Variants in CENPC observed in about 807,000 individuals in gnomAD.
The protein encoded by CENPC is centromere protein C.
A neutral mutation model predicts 112.1 loss-of-function variants in CENPC; 63 were observed. The ratio of observed to expected loss-of-function variants is 0.56; its 90% CI spans 0.46 to 0.69. The LOEUF (loss-of-function observed/expected upper bound fraction) is 0.69. Among genes scored for constraint, CENPC ranks in the 30% least tolerant of loss-of-function variants. The pLI, the probability that CENPC is intolerant of heterozygous loss-of-function variation, is 0.00. For synonymous variants in CENPC, 333 were observed against 367.6 expected (o/e 0.91, Z 1.08); for missense variants, 1,000 against 1,103.8 (o/e 0.91, Z 1.33).
rs546455763 is a variant in CENPC, at chr4:67,474,213, C to T, written c.2761+675G>A. On this transcript the variant is annotated intron_variant, in intron 18 of 18. Transcript: ENST00000273853. ...CAGAGTAGCTGGGACCACAGGTGTCCGCCACCACGCCCAGCTAATTTTTTT... is the reference window on the plus strand; with the variant it reads ...CAGAGTAGCTGGGACCACAGGTGTCTGCCACCACGCCCAGCTAATTTTTTT... 1.3e-3 allele frequency among the ~76,000 whole-genome samples: 205 copies of T among 152,036 alleles called. 3 individuals carry two copies. Among genetic ancestry groups the T allele is most frequent in the Non-Finnish European group, 4.1e-4 (28 of 67,976 alleles).
chr4:67,506,254 T>C (rs1725729890), intron 11 of CENPC, among the ~76,000 whole-genome samples: 1 of 152,214 alleles, frequency 6.6e-6, no homozygotes, highest in Non-Finnish European at 1.5e-5. Flanking sequence ...CACCTTTCAA[T>C]AGGTGGAGCC....
rs1157027163 is a variant in CENPC at position 67,471,930 on chromosome 4, G to A, written c.*675C>T. On this transcript the variant is annotated 3_prime_UTR_variant, in exon 19 of 19. Transcript: ENST00000273853. Reference sequence around the variant, plus strand: ...TTTACATGTAATATACTAAATAGATGTCATGCCAACACAGACACACAAGGT... The same window carrying A: ...TTTACATGTAATATACTAAATAGATATCATGCCAACACAGACACACAAGGT... The A allele has an allele frequency of 6.6e-6, 1 of 152,228 alleles. No individual in the cohort carries two copies. Among genetic ancestry groups the A allele is most frequent in the African/African-American group, 2.4e-5 (1 of 41,444 alleles). The allele number at this position is 152,228 out of a possible 1,614,324, so 9.4% of individuals were successfully genotyped here.
At chr4:67,510,712 T>C in intron 9 of CENPC, 1 of 290,922 alleles carries the variant, frequency 3.4e-6, no homozygotes. Context: ...TATACATTTC[T>C]TCATATATAT....
intron 9 of CENPC, among the ~76,000 whole-genome samples, chr4:67,511,193 G>A (rs143971741): frequency 7.4e-4 from 113 of 152,254 alleles, no homozygotes; most frequent in African/African-American, 2.5e-3. Flanking sequence ...CAAAGTGGAA[G>A]AGTGATACTT....
At chr4:67,505,122 G>A (rs2109792670) in intron 12 of CENPC, 83 bp downstream of exon 12, 2 of 952,558 alleles carry the variant, frequency 2.1e-6, no homozygotes, top group African/African-American at 1.7e-5. Flanking sequence ...CGCCATCAGT[G>A]ACAATGTAAA....
intron 9 of CENPC, chr4:67,510,530 C>G (rs1230442715): frequency 6.5e-6 from 1 of 154,018 alleles, no homozygotes; most frequent in Non-Finnish European, 1.4e-5. Context: ...GCAAGAGTAG[C>G]CTCAGCTGGA....
rs199649803 is a variant in CENPC, at chr4:67,519,405, A to G, written c.429T>C (p.Asp143=). Residue 143 remains aspartate (D), a synonymous_variant, in exon 6 of 19, where the codon GAT becomes GAC. Transcript: ENST00000273853. ...SKKISSRNIN[D]HHSEADEEFY... ...ATTCTTCATCAGCTTCACTGTGATG[A>G]TCATTTATGTTTCTACTTGATATTT... 3.7e-6 allele frequency: 6 copies of G among 1,612,896 alleles called. No homozygotes were observed. The African/African-American group carries it at 5.3e-5, about 14-fold the overall frequency.
intron 10 of CENPC, among the ~76,000 whole-genome samples, chr4:67,508,464 A>G (rs911105524): frequency 1.4e-5 from 2 of 145,038 alleles, no homozygotes; most frequent in Non-Finnish European, 3.0e-5. Context: ...GTGGGCTATG[A>G]TCACGCCACT....
At chr4:67,488,880 G>T (rs1725160937) in intron 17 of CENPC, among the ~76,000 whole-genome samples, 2 of 151,944 alleles carry the variant, frequency 1.3e-5, no homozygotes, top group Admixed American at 1.3e-4. Flanking sequence ...ACTTTCATAT[G>T]TATCTTTTCC....
chr4:67,495,114 G>C lies in CENPC; in HGVS notation c.2185+45C>G, dbSNP rs942677500. The C allele has an allele frequency of 5.0e-6, 7 of 1,410,792 alleles. No individual in the cohort carries two copies. The Admixed American group carries it at 1.4e-4, about 29-fold the overall frequency. The allele number at this position is 1,410,792 out of a possible 1,614,324, so 87.4% of individuals were successfully genotyped here. A position where few individuals can be genotyped will look rare whatever the true frequency, so the allele number is the denominator to read the frequency against. ...GTTATATTTAGAAACAGAAACTTAA[G>C]GTATTTTTCTCAATGAAAATATTAA... On this transcript the variant is annotated intron_variant, in intron 13 of 18. Coordinates refer to ENST00000273853, the MANE Select transcript of CENPC (RefSeq NM_001812.4).
chr4:67,478,512 C>G (rs974964584), intron 17 of CENPC, among the ~76,000 whole-genome samples: 1 of 151,808 alleles, frequency 6.6e-6, no homozygotes, highest in Non-Finnish European at 1.5e-5. Flanking sequence ...GAGAGAAATC[C>G]CCACTAACAA....
At chr4:67,485,141 C>G (rs996207382) in intron 17 of CENPC, among the ~76,000 whole-genome samples, 1 of 152,022 alleles carries the variant, frequency 6.6e-6, no homozygotes, top group Non-Finnish European at 1.5e-5. Context: ...TTATGTATGC[C>G]TCTTTAAAGG....
chr4:67,524,887 G>T lies in CENPC; in HGVS notation c.332-5385C>A, dbSNP rs183891353. On this transcript the variant is annotated intron_variant, in intron 5 of 18. Coordinates refer to ENST00000273853, the MANE Select transcript of CENPC (RefSeq NM_001812.4). ...TAGCCAAGACAATCCTAAGCAAAAA[G>T]AACAAAGTGGAAGGCATCACACTAC... Among the ~76,000 whole-genome samples the T allele has an allele frequency of 6.6e-5, 10 of 152,132 alleles. No individual in the cohort carries two copies. In the East Asian group the frequency reaches 1.9e-3, roughly 29 times the overall value.
chr4:67,494,549 G>T (rs953064886), intron 13 of CENPC, among the ~76,000 whole-genome samples: 18 of 151,368 alleles, frequency 1.2e-4, no homozygotes, highest in Admixed American at 6.6e-5. Context: ...CTAAGTTCTG[G>T]AGTAAGGCAA....
intron 4 of CENPC, among the ~76,000 whole-genome samples, chr4:67,531,501 C>A (rs1049462512): frequency 1.3e-5 from 2 of 152,202 alleles, no homozygotes; most frequent in Non-Finnish European, 2.9e-5. Context: ...GAAGGTTGCA[C>A]CTGCTGCGCC....
chr4:67,495,664 A>AC (rs1368550540), intron 12 of CENPC, among the ~76,000 whole-genome samples: 13 of 152,230 alleles, frequency 8.5e-5, no homozygotes, highest in African/African-American at 3.1e-4. Flanking sequence ...AAACAAACAA[A>AC]AAAAACAACA....
At chr4:67,476,661 T>G (rs1724812923) in intron 17 of CENPC, among the ~76,000 whole-genome samples, 1 of 152,168 alleles carries the variant, frequency 6.6e-6, no homozygotes, top group Non-Finnish European at 1.5e-5. Context: ...TGAATTTTCC[T>G]GGGCAGAATT....
intron 6 of CENPC, 29 bp downstream of exon 6, chr4:67,519,188 G>C: frequency 6.7e-7 from 1 of 1,487,262 alleles, no homozygotes; most frequent in Middle Eastern, 2.2e-4. Context: ...TTTTTAAAGT[G>C]CGTTAACATT....
intron 5 of CENPC, among the ~76,000 whole-genome samples, chr4:67,524,966 T>C (rs1480457183): frequency 6.6e-6 from 1 of 152,154 alleles, no homozygotes; most frequent in Non-Finnish European, 1.5e-5. Flanking sequence ...TTGGTACTGG[T>C]ACCAAAACAG....
Sources: gnomAD v4.1 joint callset for allele counts (sites outside exome capture counted in the v4.1 genomes callset) on GRCh38, gnomAD v4.1.1 for gene constraint, MANE v1.5 for transcripts, NCBI Gene and HGNC (gene_info 2026-07-23, HGNC 2026-07-21) for gene names.